The following DOCK2 variants were observed in gnomAD, a reference collection of about 807,000 sequenced individuals.
DOCK2 encodes dedicator of cytokinesis 2.
A neutral mutation model predicts 248.9 loss-of-function variants in DOCK2; 87 were observed. That is an observed-to-expected ratio of 0.35 (90% CI 0.29 to 0.42). The LOEUF is 0.42. Ranked by LOEUF, DOCK2 falls within the 10% of genes least tolerant of loss-of-function variation. The pLI is 1.00. For missense variants in DOCK2, 1,747 were observed against 2,300.2 expected (o/e 0.76, Z 4.92); for synonymous variants, 805 against 821.6 (o/e 0.98, Z 0.35).
chr5:169,922,366 A>G (rs571814978), intron 27 of DOCK2, among the ~76,000 whole-genome samples: 32 of 152,356 alleles, frequency 2.1e-4, no homozygotes, highest in Middle Eastern at 6.8e-3. Context: ...TAATACATAA[A>G]AATAATGTAA....
chr5:169,730,904 C>G (rs1365363627), intron 22 of DOCK2, among the ~76,000 whole-genome samples: 2 of 151,106 alleles, frequency 1.3e-5, no homozygotes, highest in Non-Finnish European at 2.9e-5. Context: ...TTTTTAGAGA[C>G]AAGGTCTTGC....
intron 14 of DOCK2, 72 bp downstream of exon 14, chr5:169,702,499 C>T (rs946560042): frequency 9.4e-6 from 15 of 1,588,850 alleles, no homozygotes; most frequent in Non-Finnish European, 1.2e-5. Context: ...ACGTACTTTT[C>T]CTCTCCCTGA....
intron 25 of DOCK2, among the ~76,000 whole-genome samples, chr5:169,767,991 C>T (rs1764885716): frequency 6.6e-6 from 1 of 152,174 alleles, no homozygotes; most frequent in Admixed American, 6.5e-5. Flanking sequence ...TTATTTCTCT[C>T]CTGTGCAAAG....
intron 26 of DOCK2, among the ~76,000 whole-genome samples, chr5:169,836,141 TG>T (rs1251147280): frequency 6.6e-6 from 1 of 152,226 alleles, no homozygotes; most frequent in African/African-American, 2.4e-5. Context: ...ATATCAAAAC[TG>T]TAAGTAGCAT....
At chr5:170,038,079 C>T (rs1756382191) in intron 36 of DOCK2, among the ~76,000 whole-genome samples, 1 of 152,334 alleles carries the variant, frequency 6.6e-6, no homozygotes, top group African/African-American at 2.4e-5. Flanking sequence ...CTTATTGTAG[C>T]AGCACAAAGC....
intron 26 of DOCK2, among the ~76,000 whole-genome samples, chr5:169,812,002 G>A (rs1767788078): frequency 6.6e-6 from 1 of 152,202 alleles, no homozygotes; most frequent in Non-Finnish European, 1.5e-5. Context: ...GAGCAGAGCA[G>A]GGGATAAATT....
chr5:169,872,989 A>G (rs1772085346), intron 27 of DOCK2, among the ~76,000 whole-genome samples: 1 of 152,174 alleles, frequency 6.6e-6, no homozygotes, highest in African/African-American at 2.4e-5. Flanking sequence ...TATTACACTA[A>G]CTTGATGGAG....
At chr5:169,831,866 C>T (rs1281767535) in intron 26 of DOCK2, among the ~76,000 whole-genome samples, 1 of 152,132 alleles carries the variant, frequency 6.6e-6, no homozygotes, top group African/African-American at 2.4e-5. Flanking sequence ...GTGTCAAGGT[C>T]AATGACCAAC....
chr5:169,739,117 C>T (rs1763184949), intron 22 of DOCK2, among the ~76,000 whole-genome samples: 1 of 152,192 alleles, frequency 6.6e-6, no homozygotes, highest in African/African-American at 2.4e-5. Context: ...TCAGGGCTCT[C>T]AGTGGAAGAG....
At chr5:169,714,338 G>C in intron 18 of DOCK2, 22 bp from the exon 19 acceptor site, 2 of 1,613,972 alleles carry the variant, frequency 1.2e-6, no homozygotes, top group Non-Finnish European at 1.7e-6. Flanking sequence ...TGATACTTCT[G>C]AATGTCTGGA....
chr5:169,776,195 C>G, intron 25 of DOCK2, among the ~76,000 whole-genome samples: 1 of 148,260 alleles, frequency 6.7e-6, no homozygotes, highest in African/African-American at 2.5e-5. Context: ...ATAGGTCTCA[C>G]TCTGTTGCCC....
chr5:169,756,575 C>T (rs549792418), intron 23 of DOCK2, among the ~76,000 whole-genome samples: 1 of 152,006 alleles, frequency 6.6e-6, no homozygotes, highest in Non-Finnish European at 1.5e-5. Context: ...GAGCTCAGGG[C>T]CCTGAGGGCT....
At chr5:169,688,574 A>C (rs1314257262) in intron 8 of DOCK2, among the ~76,000 whole-genome samples, 1 of 152,230 alleles carries the variant, frequency 6.6e-6, no homozygotes, top group Non-Finnish European at 1.5e-5. Context: ...GAAATCTAAA[A>C]TATTCTGATG....
At position 169,969,033 on chromosome 5, in the gene DOCK2, G is replaced by A. The variant is rs146089461; in HGVS notation, c.2800-14035G>A. On this transcript the variant is annotated intron_variant, in intron 27 of 51. Coordinates refer to ENST00000520908, the MANE Select transcript of DOCK2 (RefSeq NM_004946.3). Reference sequence around the variant, plus strand: ...GATGTGGTGACATGTGCCTATGGTCGCAGCTTCTCTGGAGGCTGAGGTGAG... The same window carrying A: ...GATGTGGTGACATGTGCCTATGGTCACAGCTTCTCTGGAGGCTGAGGTGAG... 3.3e-3 allele frequency among the ~76,000 whole-genome samples: 510 copies of A among 152,252 alleles called. 4 individuals are homozygous for A. The highest frequency in any genetic ancestry group is 0.012 in the African/African-American group (493 of 41,552).
At chr5:169,677,816 A>G (rs77873369) in intron 6 of DOCK2, among the ~76,000 whole-genome samples, 2,251 of 152,316 alleles carry the variant, frequency 0.015, 63 homozygotes, top group African/African-American at 0.05. Flanking sequence ...ATGGGGAAAC[A>G]TACAGGCTCA....
In DOCK2 at chr5:170,042,132, G is replaced by A; in HGVS notation, c.3876G>A (p.Lys1292=). 6.2e-7 allele frequency: 1 copy of A among 1,609,562 alleles called. No homozygotes were observed. Among genetic ancestry groups the A allele is most frequent in the East Asian group, 2.2e-5 (1 of 44,630 alleles). Residue 1292 remains lysine, a splice_region_variant and synonymous_variant, in exon 38 of 52, where the codon AAG becomes AAA. Transcript: ENST00000520908. ...ETIIGYFDKG[K]MWEEAISLCK... ...TCATAGGCTACTTTGACAAAGGAAAGGTAATCTGTCCCTGCCCACCCCCCG... is the reference window on the plus strand; with the variant it reads ...TCATAGGCTACTTTGACAAAGGAAAAGTAATCTGTCCCTGCCCACCCCCCG...
intron 17 of DOCK2, among the ~76,000 whole-genome samples, chr5:169,713,328 C>T (rs1347952580): frequency 1.3e-5 from 2 of 152,120 alleles, no homozygotes; most frequent in African/African-American, 4.8e-5. Flanking sequence ...TGTTATGAGG[C>T]TTAAATGAAA....
chr5:169,904,147 G>C (rs1340687558), intron 27 of DOCK2, among the ~76,000 whole-genome samples: 1 of 151,776 alleles, frequency 6.6e-6, no homozygotes, highest in Non-Finnish European at 1.5e-5. Context: ...ATTTTCTGGG[G>C]CTGCCTAGAT....
intron 26 of DOCK2, among the ~76,000 whole-genome samples, chr5:169,806,310 GTTAA>G (rs141410376): frequency 2.7e-5 from 4 of 147,448 alleles, no homozygotes; most frequent in African/African-American, 1.0e-4. Context: ...TGGTTAATTA[GTTAA>G]TTAATTAATT....
Sources: gnomAD v4.1 joint callset for allele counts (sites outside exome capture counted in the v4.1 genomes callset) on GRCh38, gnomAD v4.1.1 for gene constraint, MANE v1.5 for transcripts, NCBI Gene and HGNC (gene_info 2026-07-23, HGNC 2026-07-21) for gene names.